HCN1: variants seen among roughly 807,000 people sequenced by gnomAD.
The protein encoded by HCN1 is hyperpolarization activated cyclic nucleotide gated potassium channel 1.
HCN1 carries 13 observed loss-of-function variants against 78.9 expected under a neutral mutation model. That is an observed-to-expected ratio of 0.16 (90% confidence interval 0.11 to 0.26). The LOEUF is 0.26. Among genes scored for constraint, HCN1 ranks in the 10% least tolerant of loss-of-function variants. The probability of loss-of-function intolerance (pLI) is 1.00; values close to 1 mark genes in which losing one functional copy is unlikely to be tolerated. For missense variants in HCN1, 810 were observed against 1,154.3 expected (o/e 0.70, Z 4.32); for synonymous variants, 552 against 455.5 (o/e 1.21, Z -2.70).
intron 1 of HCN1, among the ~76,000 whole-genome samples, chr5:45,660,491 T>A (rs1255618511): frequency 2.0e-5 from 3 of 149,854 alleles, no homozygotes; most frequent in Admixed American, 1.3e-4. Flanking sequence ...ATTCTGCAAT[T>A]AAAAAACACA....
intron 5 of HCN1, among the ~76,000 whole-genome samples, chr5:45,333,169 G>C (rs564644526): frequency 6.6e-6 from 1 of 151,512 alleles, no homozygotes; most frequent in South Asian, 2.1e-4. Context: ...CTGTCTTTTG[G>C]ATATAAGTAT....
intron 6 of HCN1, among the ~76,000 whole-genome samples, chr5:45,299,746 C>T (rs1745571557): frequency 6.6e-6 from 1 of 151,818 alleles, no homozygotes; most frequent in Non-Finnish European, 1.5e-5. Context: ...CAGGTAATGC[C>T]TAGATTGTTT....
At chr5:45,265,976 T>C (rs77732644) in intron 7 of HCN1, among the ~76,000 whole-genome samples, 2,100 of 152,012 alleles carry the variant, frequency 0.014, 36 homozygotes, top group Non-Finnish European at 0.024. Context: ...GGAGGTGATA[T>C]CTAAACAGAG....
chr5:45,685,819 T>C (rs1356641859), intron 1 of HCN1, among the ~76,000 whole-genome samples: 3 of 152,256 alleles, frequency 2.0e-5, no homozygotes, highest in Non-Finnish European at 2.9e-5. Flanking sequence ...CTGCCAGGGA[T>C]TGCATGAAGG....
chr5:45,478,542 T>C (rs551606151), intron 2 of HCN1, among the ~76,000 whole-genome samples: 80 of 152,258 alleles, frequency 5.3e-4, no homozygotes, highest in Non-Finnish European at 1.0e-3. Flanking sequence ...TTTAAAAAGG[T>C]TGGATAAGGT....
chr5:45,348,264 C>T (rs1434663831), intron 5 of HCN1, among the ~76,000 whole-genome samples: 1 of 152,070 alleles, frequency 6.6e-6, no homozygotes, highest in African/African-American at 2.4e-5. Flanking sequence ...TCCAGCCAAG[C>T]TAAGCTTCAT....
intron 6 of HCN1, among the ~76,000 whole-genome samples, chr5:45,277,184 ATAGT>A (rs753540381): frequency 1.1e-4 from 16 of 152,128 alleles, no homozygotes; most frequent in Admixed American, 2.6e-4. Flanking sequence ...TATGGGAAAG[ATAGT>A]TAGCCTCTCT....
intron 3 of HCN1, among the ~76,000 whole-genome samples, chr5:45,413,012 G>A (rs1418790601): frequency 6.6e-6 from 1 of 151,946 alleles, no homozygotes; most frequent in Non-Finnish European, 1.5e-5. Context: ...TGCAGTGTCT[G>A]GTTAAAATGG....
rs547672096 is a variant in HCN1 at position 45,579,887 on chromosome 5, T to A, written c.849+65298A>T. On this transcript the variant is annotated intron_variant, in intron 2 of 7. Coordinates refer to ENST00000303230, the MANE Select transcript of HCN1 (RefSeq NM_021072.4). ...TTTCTCTTCCTGGTAAAAGACTGATTTATAGGAGATGATAAACCTCTAAAT... is the reference window on the plus strand; with the variant it reads ...TTTCTCTTCCTGGTAAAAGACTGATATATAGGAGATGATAAACCTCTAAAT... 2.6e-5 allele frequency among the ~76,000 whole-genome samples: 4 copies of A among 152,198 alleles called. No homozygotes were observed. In the East Asian group the frequency reaches 7.8e-4, roughly 30 times the overall value.
chr5:45,274,428 T>C (rs1176618639), intron 6 of HCN1, among the ~76,000 whole-genome samples: 9 of 152,184 alleles, frequency 5.9e-5, no homozygotes, highest in Non-Finnish European at 7.4e-5. Flanking sequence ...AGACAAGCTA[T>C]GTGTTAGCAA....
intron 2 of HCN1, among the ~76,000 whole-genome samples, chr5:45,632,403 A>G (rs555088141): frequency 6.6e-6 from 1 of 152,164 alleles, no homozygotes; most frequent in African/African-American, 2.4e-5. Context: ...TCTTCTGGTG[A>G]GAAATGTGAC....
chr5:45,344,954 C>G (rs1026948890), intron 5 of HCN1, among the ~76,000 whole-genome samples: 2 of 152,208 alleles, frequency 1.3e-5, no homozygotes, highest in Non-Finnish European at 2.9e-5. Context: ...CATTTCCCTA[C>G]CACACTGCCC....
intron 5 of HCN1, among the ~76,000 whole-genome samples, chr5:45,345,411 T>C (rs1746680643): frequency 6.6e-6 from 1 of 152,162 alleles, no homozygotes; most frequent in Non-Finnish European, 1.5e-5. Flanking sequence ...AAGGCTTGAA[T>C]TTCTCCCCAG....
chr5:45,347,405 C>T (rs1746767132), intron 5 of HCN1, among the ~76,000 whole-genome samples: 1 of 152,122 alleles, frequency 6.6e-6, no homozygotes, highest in Non-Finnish European at 1.5e-5. Flanking sequence ...GATAAAACCA[C>T]AAAGATGGGG....
chr5:45,587,702 AAAAG>A (rs1246995796), intron 2 of HCN1, among the ~76,000 whole-genome samples: 1 of 152,162 alleles, frequency 6.6e-6, no homozygotes, highest in African/African-American at 2.4e-5. Flanking sequence ...GTATAATAAA[AAAAG>A]AAAGAAATAT....
At chr5:45,543,197 G>C (rs1202073281) in intron 2 of HCN1, among the ~76,000 whole-genome samples, 4 of 151,894 alleles carry the variant, frequency 2.6e-5, no homozygotes, top group Non-Finnish European at 5.9e-5. Context: ...AAATTAACAA[G>C]AAAGCATTTC....
chr5:45,371,733 G>A (rs1054278165), intron 4 of HCN1, among the ~76,000 whole-genome samples: 3 of 146,078 alleles, frequency 2.1e-5, no homozygotes, highest in African/African-American at 5.1e-5. Flanking sequence ...CTCCAGCCTG[G>A]GTGACAGTGA....
At chr5:45,372,091 A>AT (rs1435177501) in intron 4 of HCN1, among the ~76,000 whole-genome samples, 10 of 58,772 alleles carry the variant, frequency 1.7e-4, no homozygotes, top group South Asian at 1.3e-3. Flanking sequence ...ATATAATTAT[A>AT]TATATATTTT....
rs561471233 is a variant in HCN1 at position 45,612,116 on chromosome 5, T to C, written c.849+33069A>G. Reference sequence around the variant, plus strand: ...TGATCTCCCAGTAGTCAATATGTTATTTCTGCAGTCTTGATTTAATTTTCT... The same window carrying C: ...TGATCTCCCAGTAGTCAATATGTTACTTCTGCAGTCTTGATTTAATTTTCT... On this transcript the variant is annotated intron_variant, in intron 2 of 7. Coordinates refer to ENST00000303230, the MANE Select transcript of HCN1 (RefSeq NM_021072.4). Among the ~76,000 whole-genome samples the C allele has an allele frequency of 3.9e-5, 6 of 152,310 alleles. No homozygotes were observed. In the East Asian group the frequency reaches 9.6e-4, roughly 24 times the overall value.
Sources: gnomAD v4.1 joint callset for allele counts (sites outside exome capture counted in the v4.1 genomes callset) on GRCh38, gnomAD v4.1.1 for gene constraint, MANE v1.5 for transcripts, NCBI Gene and HGNC (gene_info 2026-07-23, HGNC 2026-07-21) for gene names.